IDO2: variants seen among roughly 807,000 people sequenced by gnomAD.
The protein encoded by IDO2 is indoleamine 2,3-dioxygenase-like 1 protein.
A neutral mutation model predicts 45.1 loss-of-function variants in IDO2; 46 were observed. That is an observed-to-expected ratio of 1.02 (90% CI 0.80 to 1.30). The LOEUF is 1.30. Among genes scored for constraint, IDO2 ranks in the 50% most tolerant of loss-of-function variants. IDO2 has a pLI of 0.00. For missense variants in IDO2, 544 were observed against 491.8 expected (o/e 1.11, Z -1.00); for synonymous variants, 218 against 184.9 (o/e 1.18, Z -1.45).
In IDO2 at chr8:40,005,692, C is replaced by A. The variant is rs191559055; in HGVS notation, c.719+314C>A. Among the ~76,000 whole-genome samples the A allele has an allele frequency of 5.7e-3, 873 of 152,304 alleles. 10 individuals are homozygous for A. Among genetic ancestry groups the A allele is most frequent in the African/African-American group, 0.02 (817 of 41,566 alleles). On this transcript the variant is annotated intron_variant, in intron 9 of 10. Coordinates refer to ENST00000502986, the Ensembl canonical transcript of IDO2. ...CACACAGTTCTATCACTTACATCTACTTTTTCTTCTTGTTATTAAGGCATG... is the reference window on the plus strand; with the variant it reads ...CACACAGTTCTATCACTTACATCTAATTTTTCTTCTTGTTATTAAGGCATG...
At chr8:40,000,390 C>A (rs111485503) in intron 8 of IDO2, among the ~76,000 whole-genome samples, 1 of 149,566 alleles carries the variant, frequency 6.7e-6, no homozygotes, top group Non-Finnish European at 1.5e-5. Flanking sequence ...AGTGTGGCAA[C>A]AGAGTGAGAC....
intron 8 of IDO2, among the ~76,000 whole-genome samples, chr8:40,004,688 C>CAAAAGTTGAA (rs55997612): frequency 6.6e-6 from 1 of 151,622 alleles, no homozygotes; most frequent in Non-Finnish European, 1.5e-5. Flanking sequence ...GAACAACCTT[C>CAAAAGTTGAA]GAAAAGAAAT....
intron 8 of IDO2, chr8:39,998,339 T>A (rs1231167559): frequency 6.6e-6 from 1 of 152,264 alleles, no homozygotes; most frequent in Non-Finnish European, 1.5e-5. Flanking sequence ...GAAAAATGTA[T>A]ATTTGAACAA....
chr8:39,985,435 C>T, intron 5 of IDO2, 73 bp from the exon 6 acceptor site: 1 of 1,317,192 alleles, frequency 7.6e-7, no homozygotes, highest in South Asian at 1.3e-5. Context: ...ATTAATATAT[C>T]TGGTTTACAA....
chr8:40,011,300 A>G (rs1802307741), intron 9 of IDO2, among the ~76,000 whole-genome samples: 1 of 152,212 alleles, frequency 6.6e-6, no homozygotes, highest in Non-Finnish European at 1.5e-5. Flanking sequence ...ACCCTTTGAG[A>G]GTGCAACATT....
intron 9 of IDO2, among the ~76,000 whole-genome samples, chr8:40,012,835 A>G (rs544467655): frequency 1.6e-4 from 24 of 152,258 alleles, no homozygotes; most frequent in African/African-American, 5.8e-4. Flanking sequence ...GCCTTTCTGC[A>G]TGTCCCTGAC....
intron 4 of IDO2, among the ~76,000 whole-genome samples, chr8:39,980,502 GT>G (rs988828192): frequency 1.3e-4 from 19 of 151,960 alleles, no homozygotes; most frequent in African/African-American, 4.6e-4. Context: ...CACCCACAGT[GT>G]CTTTTACTTT....
At chr8:40,009,494 G>C (rs1802278829) in intron 9 of IDO2, among the ~76,000 whole-genome samples, 1 of 150,280 alleles carries the variant, frequency 6.7e-6, no homozygotes, top group South Asian at 2.1e-4. Context: ...TCATTTTCTT[G>C]GGGTTGCTAG....
intron 8 of IDO2, chr8:39,995,251 C>CCTTCTCCTTCTTCTTCTTCTT (rs1554548607): frequency 1.4e-4 from 11 of 78,062 alleles, no homozygotes; most frequent in Admixed American, 6.9e-4. Flanking sequence ...TTCTCCTTCT[C>CCTTCTCCTTCTTCTTCTTCTT]CTTCTTCTTC....
At chr8:40,001,370 C>T (rs541025198) in intron 8 of IDO2, among the ~76,000 whole-genome samples, 14 of 151,000 alleles carry the variant, frequency 9.3e-5, no homozygotes, top group African/African-American at 3.4e-4. Flanking sequence ...CTGCCTCAGC[C>T]TTCAGAGTAG....
intron 1 of IDO2, among the ~76,000 whole-genome samples, chr8:39,941,987 A>G (rs1315476052): frequency 6.6e-6 from 1 of 152,104 alleles, no homozygotes; most frequent in East Asian, 1.9e-4. Context: ...TACTCACTCA[A>G]CAGGCTGAGG....
intron 9 of IDO2, among the ~76,000 whole-genome samples, chr8:40,006,043 C>A (rs768714534): frequency 6.6e-6 from 1 of 152,154 alleles, no homozygotes; most frequent in Admixed American, 6.5e-5. Flanking sequence ...TTACCTTGGA[C>A]GTGGAGACCA....
At chr8:40,011,813 A>G (rs1265944785) in intron 9 of IDO2, among the ~76,000 whole-genome samples, 1 of 152,254 alleles carries the variant, frequency 6.6e-6, no homozygotes, top group Non-Finnish European at 1.5e-5. Context: ...GCTCACTGTT[A>G]ATAAATAGCA....
intron 10 of IDO2, 45 bp downstream of exon 10, chr8:40,013,758 A>T: frequency 3.1e-6 from 4 of 1,300,700 alleles, no homozygotes; most frequent in Non-Finnish European, 4.0e-6. Context: ...AGGGAGGAAG[A>T]GGAGAGGTGT....
At chr8:39,939,141 T>A (rs1400327228) in intron 1 of IDO2, among the ~76,000 whole-genome samples, 1 of 148,642 alleles carries the variant, frequency 6.7e-6, no homozygotes, top group African/African-American at 2.5e-5. Flanking sequence ...TACTCGGGAG[T>A]CTGAGGCAGG....
At chr8:39,955,707 C>A (rs1399247301) in intron 2 of IDO2, among the ~76,000 whole-genome samples, 5 of 152,190 alleles carry the variant, frequency 3.3e-5, no homozygotes, top group African/African-American at 1.2e-4. Context: ...GAAAAGAAAT[C>A]TCCCAATGTC....
At chr8:40,009,583 A>G (rs929766701) in intron 9 of IDO2, among the ~76,000 whole-genome samples, 5 of 152,170 alleles carry the variant, frequency 3.3e-5, no homozygotes, top group East Asian at 3.8e-4. Context: ...TTTTCACAGT[A>G]GCAGCTTGGA....
chr8:39,972,412 G>C (rs1808191947), intron 3 of IDO2, among the ~76,000 whole-genome samples: 1 of 151,896 alleles, frequency 6.6e-6, no homozygotes. Context: ...TTTGAGACCA[G>C]CTTGGCCAAC....
chr8:39,976,078 C>T (rs1412486263), intron 3 of IDO2, among the ~76,000 whole-genome samples: 1 of 152,150 alleles, frequency 6.6e-6, no homozygotes, highest in Non-Finnish European at 1.5e-5. Flanking sequence ...CTCCCAGGTT[C>T]AGGCTATTCC....
Sources: allele counts gnomAD v4.1 joint callset (sites outside exome capture counted in the v4.1 genomes callset), GRCh38; gene constraint gnomAD v4.1.1; transcripts MANE v1.5; gene names NCBI Gene and HGNC (gene_info 2026-07-23, HGNC 2026-07-21).